The following LASP1 variants were observed in gnomAD, a reference collection of about 807,000 sequenced individuals.
LASP1 encodes the protein LIM and SH3 protein 1.
In LASP1, 10 loss-of-function variants were observed where a neutral mutation model predicts 38.6. The observed-to-expected ratio is 0.26, with a 90% confidence interval of 0.16 to 0.44. LASP1 has a LOEUF of 0.44. LASP1 is among the 20% of genes least tolerant of loss of function. LASP1 has a pLI of 1.00. For missense variants in LASP1, 243 were observed against 375.7 expected, an observed-to-expected ratio of 0.65 and a Z score of 2.92; for synonymous variants, 132 against 140.8, an observed-to-expected ratio of 0.94 and a Z score of 0.44.
rs1915201510 is a variant in LASP1 at position 38,918,588 on chromosome 17, C to T, written c.613-17C>T. On this transcript the variant is annotated splice_polypyrimidine_tract_variant and intron_variant, in intron 6 of 6. Coordinates refer to ENST00000318008, the MANE Select transcript of LASP1 (RefSeq NM_006148.4). This position sits in a 1 kb window ranked among gnomAD's most constrained non-coding sequence, Gnocchi z 4.4. The stretch of plus-strand genomic sequence containing the variant: ...GCCGGCATGCAGGGCCCTAGGCTGA[C>T]CACACTTCCCCCACAGAAGCGGTAC... 3 of 1,573,686 alleles carry T rather than the reference C, an allele frequency of 1.9e-6. No homozygotes were observed. The highest frequency in any genetic ancestry group is 3.5e-5 in the Admixed American group (2 of 57,170).
Position 38,918,808 on chromosome 17 carries a change from C to A in LASP1, c.*30C>A, listed in dbSNP as rs770864438. 1 of 1,608,892 alleles carries A rather than the reference C, an allele frequency of 6.2e-7. No individual in the cohort carries two copies. The highest frequency in any genetic ancestry group is 8.5e-7 in the Non-Finnish European group (1 of 1,177,568). On this transcript the variant is annotated 3_prime_UTR_variant, in exon 7 of 7. Transcript: ENST00000318008. This position sits in a 1 kb window ranked among gnomAD's most constrained non-coding sequence, Gnocchi z 4.4. ...GCAGCGCCCCCATCTGTCTTCAGCA[C>A]ATTCCACGGCATCGCATCCGTCCTG...
intron 4 of LASP1, among the ~76,000 whole-genome samples, chr17:38,908,979 T>A (rs1914849206): frequency 6.6e-6 from 1 of 152,058 alleles, no homozygotes; most frequent in Admixed American, 6.5e-5. Flanking sequence ...AGGTTTTGCC[T>A]CTCCTCCTCT....
rs2143840524 is a variant in LASP1 at position 38,919,034 on chromosome 17, G to GGGCGAGGCCCGTGGT, written c.*257_*258insGCGAGGCCCGTGGTG. 2.6e-6 allele frequency: 1 copy of GGGCGAGGCCCGTGGT among 391,702 alleles called. No individual in the cohort carries two copies. Among genetic ancestry groups the GGGCGAGGCCCGTGGT allele is most frequent in the East Asian group, 3.8e-5 (1 of 26,566 alleles). 24.3% of individuals were successfully genotyped at this position (391,702 alleles called of 1,614,324 possible). A position where few individuals can be genotyped will look rare whatever the true frequency, so the allele number is the denominator to read the frequency against. On this transcript the variant is annotated 3_prime_UTR_variant, in exon 7 of 7. Transcript: ENST00000318008. Reference sequence around the variant, plus strand: ...AACGGGCATGGGCCTCTCTGGGGGAGGCAGGGCTGGAATGGGAGACCTGTT... The same window carrying GGGCGAGGCCCGTGGT: ...AACGGGCATGGGCCTCTCTGGGGGAGGGCGAGGCCCGTGGTGCAGGGCTGGAATGGGAGACCTGTT...
At chr17:38,886,272 G>T (rs1041152911) in intron 2 of LASP1, among the ~76,000 whole-genome samples, 2 of 150,852 alleles carry the variant, frequency 1.3e-5, no homozygotes, top group African/African-American at 4.9e-5. Flanking sequence ...AGGCAGAGTC[G>T]TCTCGCCAGG....
intron 4 of LASP1, among the ~76,000 whole-genome samples, chr17:38,910,287 G>A (rs574589572): frequency 6.6e-6 from 1 of 152,296 alleles, no homozygotes; most frequent in South Asian, 2.1e-4. Flanking sequence ...TGGCCTCTGT[G>A]GCAGCAGCTC....
Position 38,915,122 on chromosome 17 carries a change from G to T in LASP1, c.588G>T (p.Gln196His). ...AGCCTGCAGCCCCAGTCTCCATACAGCGCAGCGCCCCAGGTGGTGGCGGGG... is the reference window on the plus strand; with the variant it reads ...AGCCTGCAGCCCCAGTCTCCATACATCGCAGCGCCCCAGGTGGTGGCGGGG... ...YKEPAAPVSI[Q>H]RSAPGGGGKR... The change falls in exon 6 of 7, where the codon CAG becomes CAT. Residue 196 changes from glutamine (Q) to histidine (H), a missense_variant. Gln to His is a conservative substitution (Grantham distance 24). Coordinates refer to ENST00000318008, the MANE Select transcript of LASP1 (RefSeq NM_006148.4). The T allele has an allele frequency of 2.5e-6, 4 of 1,614,004 alleles. No individual in the cohort carries two copies. The South Asian group carries it at 3.3e-5, about 13-fold the overall frequency.
At chr17:38,897,426 C>G (rs1296332495) in intron 3 of LASP1, among the ~76,000 whole-genome samples, 4 of 152,236 alleles carry the variant, frequency 2.6e-5, no homozygotes, top group Non-Finnish European at 4.4e-5. Context: ...GAAATCCAAG[C>G]AGCTGGTGGG....
intron 1 of LASP1, among the ~76,000 whole-genome samples, chr17:38,872,994 G>C (rs1040110116): frequency 3.9e-5 from 6 of 152,158 alleles, no homozygotes; most frequent in African/African-American, 1.4e-4. Flanking sequence ...TAGAGCTGGG[G>C]GAGAAACAGG....
At chr17:38,874,347 C>A (rs1913697139) in intron 1 of LASP1, among the ~76,000 whole-genome samples, 1 of 152,170 alleles carries the variant, frequency 6.6e-6, no homozygotes, top group Admixed American at 6.5e-5. Context: ...GGACATATTT[C>A]CCTGACAGTG....
intron 2 of LASP1, among the ~76,000 whole-genome samples, chr17:38,882,668 G>A (rs1032171877): frequency 2.0e-5 from 3 of 152,194 alleles, no homozygotes; most frequent in African/African-American, 7.2e-5. Flanking sequence ...CAAAAGTGGG[G>A]CAGATCAGTC....
At chr17:38,887,101 G>A (rs1412114193) in intron 2 of LASP1, among the ~76,000 whole-genome samples, 1 of 152,154 alleles carries the variant, frequency 6.6e-6, no homozygotes, top group Non-Finnish European at 1.5e-5. Flanking sequence ...CGGGTCTGGA[G>A]GATGTGTTTG....
At chr17:38,885,388 C>T (rs749045690) in intron 2 of LASP1, among the ~76,000 whole-genome samples, 12 of 152,290 alleles carry the variant, frequency 7.9e-5, no homozygotes, top group Admixed American at 5.2e-4. Context: ...TCCTGAAGCC[C>T]GAGGCTGCTG....
At chr17:38,895,178 A>ATT (rs113759218) in intron 3 of LASP1, among the ~76,000 whole-genome samples, 1 of 145,710 alleles carries the variant, frequency 6.9e-6, no homozygotes. Context: ...ATTTTTATTA[A>ATT]TTTTTTTTTT....
chr17:38,903,212 G>A (rs568515239), intron 4 of LASP1, among the ~76,000 whole-genome samples: 1 of 152,166 alleles, frequency 6.6e-6, no homozygotes, highest in Non-Finnish European at 1.5e-5. Flanking sequence ...GAGATGGTAA[G>A]GGCCCAGATC....
chr17:38,896,456 A>G (rs1380227309), intron 3 of LASP1, among the ~76,000 whole-genome samples: 2 of 152,156 alleles, frequency 1.3e-5, no homozygotes, highest in Non-Finnish European at 2.9e-5. Flanking sequence ...AGTGAAATGA[A>G]TGATCCTTCC....
At chr17:38,894,334 A>AG (rs1374876691) in intron 3 of LASP1, among the ~76,000 whole-genome samples, 1 of 152,110 alleles carries the variant, frequency 6.6e-6, no homozygotes, top group Admixed American at 6.6e-5. Flanking sequence ...GGGAAATTAC[A>AG]GGGGGGTTTC....
rs184814475 is a variant in LASP1 at position 38,887,947 on chromosome 17, G to T, written c.165-2473G>T. Reference sequence around the variant, plus strand: ...CGAGTGTGTCAGTTTTGGGTGGAACGTGCCTAGGAAGAGGTCCCAGGAGGC... The same window carrying T: ...CGAGTGTGTCAGTTTTGGGTGGAACTTGCCTAGGAAGAGGTCCCAGGAGGC... On this transcript the variant is annotated intron_variant, in intron 2 of 6. Coordinates refer to ENST00000318008, the MANE Select transcript of LASP1 (RefSeq NM_006148.4). 2.0e-3 allele frequency among the ~76,000 whole-genome samples: 304 copies of T among 152,230 alleles called. 1 individual carries two copies. The highest frequency in any genetic ancestry group is 6.9e-3 in the African/African-American group (286 of 41,534).
chr17:38,918,377 C>T lies in LASP1; in HGVS notation c.613-228C>T, dbSNP rs1280565294. ...GGGGCAGAGCTGATGTGACCCGGTC[C>T]CTGCTCTGCCTCTGGCCCTTAGTAG... On this transcript the variant is annotated intron_variant, in intron 6 of 6. Transcript: ENST00000318008. The surrounding 1 kb of genome is among the most constrained non-coding windows in gnomAD (Gnocchi z 4.4). Among the ~76,000 whole-genome samples the T allele has an allele frequency of 1.3e-5, 2 of 152,142 alleles. No individual in the cohort carries two copies. Among genetic ancestry groups the T allele is most frequent in the Non-Finnish European group, 2.9e-5 (2 of 68,030 alleles).
At chr17:38,878,992 A>C (rs1016095580) in intron 2 of LASP1, among the ~76,000 whole-genome samples, 8 of 151,124 alleles carry the variant, frequency 5.3e-5, no homozygotes, top group African/African-American at 1.9e-4. Context: ...CATCCCATGC[A>C]ATCCCAGAAA....
Sources: allele counts gnomAD v4.1 joint callset (sites outside exome capture counted in the v4.1 genomes callset), GRCh38; gene constraint gnomAD v4.1.1; non-coding constraint Gnocchi (gnomAD v3.1); transcripts MANE v1.5; gene names NCBI Gene and HGNC (gene_info 2026-07-23, HGNC 2026-07-21).